MGAT4C: variants seen among roughly 807,000 people sequenced by gnomAD.
MGAT4C encodes the protein MGAT4 family member C.
In MGAT4C, 19 loss-of-function variants were observed where a neutral mutation model predicts 40.1. That is an observed-to-expected ratio of 0.47 (90% CI 0.33 to 0.70). The LOEUF (loss-of-function observed/expected upper bound fraction) is 0.70, where lower values mean the gene tolerates loss of function less well. MGAT4C is among the 30% of genes least tolerant of loss of function. The pLI is 0.02. For missense variants in MGAT4C, 491 were observed against 563.2 expected (o/e 0.87, Z 1.30); for synonymous variants, 181 against 187.1 (o/e 0.97, Z 0.27).
At chr12:86,772,748 C>T (rs993558947) in intron 1 of MGAT4C, among the ~76,000 whole-genome samples, 1 of 152,152 alleles carries the variant, frequency 6.6e-6, no homozygotes, top group Non-Finnish European at 1.5e-5. Context: ...GAATGCATAA[C>T]CTCTTTATTT....
chr12:86,797,966 A>T lies in MGAT4C; in HGVS notation c.-262+40700T>A, dbSNP rs186609811. On this transcript the variant is annotated intron_variant, in intron 1 of 7. Transcript: ENST00000548651. ...TTTCCTAATCTTTATGTTTATAATC[A>T]TGTCATTAACTTGTGTTCTTTATAT... 1.9e-3 allele frequency among the ~76,000 whole-genome samples: 296 copies of T among 152,086 alleles called. 1 individual carries two copies. The highest frequency in any genetic ancestry group is 6.9e-3 in the African/African-American group (285 of 41,552).
intron 2 of MGAT4C, among the ~76,000 whole-genome samples, chr12:86,558,748 A>G (rs993399249): frequency 6.6e-6 from 1 of 152,170 alleles, no homozygotes; most frequent in East Asian, 1.9e-4. Flanking sequence ...TGAGAAATAG[A>G]AAGGAGTCAA....
intron 4 of MGAT4C, among the ~76,000 whole-genome samples, chr12:86,286,448 T>A (rs1592647677): frequency 6.6e-6 from 1 of 152,300 alleles, no homozygotes; most frequent in East Asian, 1.9e-4. Context: ...ATAATACAAC[T>A]AACCAGCCAA....
intron 1 of MGAT4C, among the ~76,000 whole-genome samples, chr12:86,762,545 A>G (rs1951426365): frequency 6.6e-6 from 1 of 152,214 alleles, no homozygotes; most frequent in Admixed American, 6.5e-5. Context: ...CTTTCAGACC[A>G]ACAAGGGACA....
chr12:86,155,626 T>G lies in MGAT4C; in HGVS notation c.-57+100613A>C, dbSNP rs148483664. Among the ~76,000 whole-genome samples, 718 of 152,226 alleles carry G rather than the reference T, an allele frequency of 4.7e-3. 5 individuals are homozygous for G. Among genetic ancestry groups the G allele is most frequent in the African/African-American group, 0.016 (676 of 41,526 alleles). ...TGAAGGAGCAGGTGGAGTGCATTTG[T>G]GTGTTTCAGAAATGTTACAACAGAT... On this transcript the variant is annotated intron_variant, in intron 1 of 4. Transcript: ENST00000611864.
chr12:86,808,553 A>G (rs9988955), intron 1 of MGAT4C, among the ~76,000 whole-genome samples: 96,495 of 151,790 alleles, frequency 0.64, 31,990 homozygotes, highest in Non-Finnish European at 0.72. Flanking sequence ...ATTAGATGCA[A>G]AAAAGGACTT....
Position 85,968,217 on chromosome 12 carries a change from T to C in MGAT4C, c.*11072A>G. 6.6e-6 allele frequency: 1 copy of C among 152,188 alleles called. No individual in the cohort carries two copies. The highest frequency in any genetic ancestry group is 2.1e-4 in the South Asian group (1 of 4,834). The allele number at this position is 152,188 out of a possible 1,614,324, so 9.4% of individuals were successfully genotyped here. A position where few individuals can be genotyped will look rare whatever the true frequency, so the allele number is the denominator to read the frequency against. ...AGTTTTTCTCCTTCTTTCTTGAATA[T>C]GTTTAGTTAATTTTGTGGAAAGAGG... is the stretch of plus-strand genomic sequence containing the variant. On this transcript the variant is annotated 3_prime_UTR_variant, in exon 5 of 5. Coordinates refer to ENST00000611864, the MANE Select transcript of MGAT4C (RefSeq NM_001351288.2).
intron 2 of MGAT4C, among the ~76,000 whole-genome samples, chr12:85,993,682 T>C (rs542572889): frequency 1.2e-4 from 18 of 152,134 alleles, no homozygotes; most frequent in African/African-American, 3.9e-4. Flanking sequence ...AGATGGTACT[T>C]TGGAGGGCCT....
intron 1 of MGAT4C, among the ~76,000 whole-genome samples, chr12:86,230,111 T>C (rs766244551): frequency 1.3e-5 from 2 of 152,062 alleles, no homozygotes; most frequent in Admixed American, 6.6e-5. Flanking sequence ...CATCCTATGA[T>C]AGTGTCTAGT....
intron 2 of MGAT4C, among the ~76,000 whole-genome samples, chr12:86,700,527 A>T (rs899586277): frequency 2.0e-5 from 3 of 152,136 alleles, no homozygotes; most frequent in African/African-American, 7.2e-5. Context: ...AATAGTGGAT[A>T]TAACTTAAAT....
intron 2 of MGAT4C, among the ~76,000 whole-genome samples, chr12:86,547,306 T>TCCC (rs1379153593): frequency 2.0e-5 from 3 of 151,974 alleles, no homozygotes; most frequent in Non-Finnish European, 4.4e-5. Flanking sequence ...TTTTCTTTCC[T>TCCC]CCCCCCTTCC....
chr12:86,118,212 A>C (rs1378263455), intron 1 of MGAT4C, among the ~76,000 whole-genome samples: 1 of 152,134 alleles, frequency 6.6e-6, no homozygotes, highest in African/African-American at 2.4e-5. Flanking sequence ...CAACTCTTTT[A>C]TGAGCCTTTG....
intron 2 of MGAT4C, among the ~76,000 whole-genome samples, chr12:86,646,173 T>A (rs890391982): frequency 1.3e-5 from 2 of 151,772 alleles, no homozygotes; most frequent in African/African-American, 4.8e-5. Context: ...AAAGTGAGGA[T>A]GGGCAACATT....
At chr12:86,012,030 C>T (rs895472810) in intron 2 of MGAT4C, 3 of 205,126 alleles carry the variant, frequency 1.5e-5, no homozygotes, top group Non-Finnish European at 1.7e-5. Flanking sequence ...AGGACAAGTA[C>T]GTTTTTCTTT....
At chr12:86,674,413 CT>C (rs960031509) in intron 2 of MGAT4C, among the ~76,000 whole-genome samples, 1 of 152,030 alleles carries the variant, frequency 6.6e-6, no homozygotes, top group African/African-American at 2.4e-5. Flanking sequence ...TCAATACAGA[CT>C]TTTTCAGGGA....
intron 3 of MGAT4C, among the ~76,000 whole-genome samples, chr12:86,366,417 A>T (rs919761538): frequency 2.6e-5 from 4 of 152,054 alleles, no homozygotes; most frequent in Non-Finnish European, 5.9e-5. Flanking sequence ...TTTTGGTACT[A>T]TGTTGAAGGA....
chr12:86,237,317 A>G (rs1432706909), intron 1 of MGAT4C, among the ~76,000 whole-genome samples: 1 of 151,850 alleles, frequency 6.6e-6, no homozygotes, highest in African/African-American at 2.4e-5. Context: ...TTTCTTATCA[A>G]TAAAATTGTG....
At chr12:86,162,321 A>G (rs1015765936) in intron 1 of MGAT4C, among the ~76,000 whole-genome samples, 4 of 152,196 alleles carry the variant, frequency 2.6e-5, no homozygotes, top group African/African-American at 9.6e-5. Context: ...GCCATAATAC[A>G]GAATGAAATC....
intron 1 of MGAT4C, among the ~76,000 whole-genome samples, chr12:86,207,273 T>C (rs992349810): frequency 2.6e-5 from 4 of 152,124 alleles, no homozygotes; most frequent in Non-Finnish European, 4.4e-5. Flanking sequence ...CACTCTGCTT[T>C]TTCTTTTTTT....
Sources: gnomAD v4.1 joint callset for allele counts (sites outside exome capture counted in the v4.1 genomes callset) on GRCh38, gnomAD v4.1.1 for gene constraint, MANE v1.5 for transcripts, NCBI Gene and HGNC (gene_info 2026-07-23, HGNC 2026-07-21) for gene names.